Variants in TBX15 observed in about 807,000 individuals in gnomAD.
TBX15 encodes T-box transcription factor 15, also known as T-box transcription factor TBX15.
Under a neutral mutation model 53.9 loss-of-function variants are expected in TBX15, and 18 were observed. The ratio of observed to expected loss-of-function variants is 0.33; its 90% CI spans 0.23 to 0.49. The LOEUF (loss-of-function observed/expected upper bound fraction) is 0.49, where lower values mean the gene tolerates loss of function less well. Ranked by LOEUF, TBX15 falls within the 20% of genes least tolerant of loss-of-function variation. The pLI is 0.98. For missense variants in TBX15, 692 were observed against 749.5 expected (o/e 0.92, Z 0.90); for synonymous variants, 295 against 278.0 (o/e 1.06, Z -0.61).
At chr1:118,958,298 T>G (rs977458347) in intron 1 of TBX15, among the ~76,000 whole-genome samples, 11 of 152,208 alleles carry the variant, frequency 7.2e-5, no homozygotes, top group African/African-American at 2.4e-4. Flanking sequence ...GGAAGAGAGC[T>G]CTCACCAGAG....
intron 1 of TBX15, among the ~76,000 whole-genome samples, chr1:118,977,076 A>G (rs1657458646): frequency 6.6e-6 from 1 of 152,208 alleles, no homozygotes; most frequent in Non-Finnish European, 1.5e-5. Flanking sequence ...ATAGATGCAG[A>G]AACTAGGGTT....
Position 118,987,779 on chromosome 1 carries a change from C to T in TBX15, c.17G>A (p.Arg6Lys), listed in dbSNP as rs777359556. The T allele has an allele frequency of 6.5e-7, 1 of 1,549,948 alleles. No individual in the cohort carries two copies. The highest frequency in any genetic ancestry group is 8.7e-7 in the Non-Finnish European group (1 of 1,146,784). Reference sequence around the variant, plus strand: ...TCGCGAGCTCAGGGCGACTGCAGATCTTCTCCTTTCACTCATTTTAGCCGC... The same window carrying T: ...TCGCGAGCTCAGGGCGACTGCAGATTTTCTCCTTTCACTCATTTTAGCCGC... Reference protein sequence around the residue: MSERRRSAVALSSRAH... With the variant: MSERRKSAVALSSRAH... The change falls in exon 1 of 8, where the codon AGA becomes AAA. Residue 6 changes from arginine (R) to lysine (K), a missense_variant. This residue lies in a region of TBX15 where 307 missense variants were observed against 347.5 expected (regional missense o/e 0.88). Transcript: ENST00000369429.
At chr1:118,892,391 T>TTCAG (rs1400693473) in intron 7 of TBX15, among the ~76,000 whole-genome samples, 1 of 152,092 alleles carries the variant, frequency 6.6e-6, no homozygotes, top group Non-Finnish European at 1.5e-5. Context: ...TTTCTAAAAG[T>TTCAG]TCAGTAGAAA....
In TBX15 at chr1:118,917,518, A is replaced by G. The variant is rs138552209; in HGVS notation, c.862-3339T>C. Among the ~76,000 whole-genome samples, 372 of 152,266 alleles carry G rather than the reference A, an allele frequency of 2.4e-3. 2 individuals are homozygous for G. The highest frequency in any genetic ancestry group is 8.7e-3 in the African/African-American group (362 of 41,566). ...GGTGCAGCACACTACCATGGCACAC[A>G]TTTACCTATGAAACAAACCTGCACA... is the stretch of plus-strand genomic sequence containing the variant. On this transcript the variant is annotated intron_variant, in intron 5 of 7. Coordinates refer to ENST00000369429, the MANE Select transcript of TBX15 (RefSeq NM_001330677.2).
chr1:118,962,264 A>G (rs1656902460), intron 1 of TBX15, among the ~76,000 whole-genome samples: 1 of 152,224 alleles, frequency 6.6e-6, no homozygotes, highest in Non-Finnish European at 1.5e-5. Flanking sequence ...TCAGATAAAT[A>G]AAAAATTGAC....
chr1:118,928,838 C>T (rs911081333), intron 2 of TBX15, among the ~76,000 whole-genome samples: 1 of 152,170 alleles, frequency 6.6e-6, no homozygotes, highest in Non-Finnish European at 1.5e-5. Context: ...AATAAATGAA[C>T]TATGTGACTT....
rs774337008 is a variant in TBX15 at position 118,885,030 on chromosome 1, C to G, written c.1511G>C (p.Ser504Thr). The G allele has an allele frequency of 3.7e-6, 6 of 1,614,108 alleles. No individual in the cohort carries two copies. The highest frequency in any genetic ancestry group is 3.3e-5 in the South Asian group (3 of 91,084). The change falls in exon 8 of 8, where the codon AGC (serine) becomes ACC (threonine). Residue 504 changes from serine (S) to threonine (T), a missense_variant. Coordinates refer to ENST00000369429, the MANE Select transcript of TBX15 (RefSeq NM_001330677.2). ...HMFGGSHMQQSSYNAFSLHNP... is the reference protein window; with the variant it reads ...HMFGGSHMQQTSYNAFSLHNP... ...GTGAAGGGAGAAGGCATTGTAGGAG[C>G]TCTGCTGCATGTGGCTGCCCCCGAA...
intron 1 of TBX15, among the ~76,000 whole-genome samples, chr1:118,955,821 C>T (rs949949867): frequency 6.6e-6 from 1 of 152,152 alleles, no homozygotes; most frequent in African/African-American, 2.4e-5. Context: ...CCTATGTGTG[C>T]CTCATGGAGA....
At chr1:118,962,004 T>C (rs920786599) in intron 1 of TBX15, among the ~76,000 whole-genome samples, 1 of 152,250 alleles carries the variant, frequency 6.6e-6, no homozygotes, top group East Asian at 1.9e-4. Flanking sequence ...AGTCAACTTC[T>C]ACTTTTCCAG....
chr1:118,956,718 C>T (rs1010460988), intron 1 of TBX15, among the ~76,000 whole-genome samples: 4 of 151,802 alleles, frequency 2.6e-5, no homozygotes, highest in South Asian at 4.1e-4. Flanking sequence ...TTTGGGAGGC[C>T]GAAGTGGGAA....
intron 1 of TBX15, among the ~76,000 whole-genome samples, chr1:118,974,705 C>T (rs1479264442): frequency 6.6e-6 from 1 of 152,146 alleles, no homozygotes; most frequent in African/African-American, 2.4e-5. Flanking sequence ...TAACTGCTAC[C>T]ATACCAAACA....
chr1:118,979,587 T>C (rs988790067), intron 1 of TBX15, among the ~76,000 whole-genome samples: 2 of 152,146 alleles, frequency 1.3e-5, no homozygotes, highest in African/African-American at 4.8e-5. Context: ...GACCCTTGGG[T>C]TCCATTTGCA....
At chr1:118,920,172 A>G (rs1655377022) in intron 5 of TBX15, among the ~76,000 whole-genome samples, 1 of 152,156 alleles carries the variant, frequency 6.6e-6, no homozygotes, top group Non-Finnish European at 1.5e-5. Context: ...TTTATTTGTA[A>G]AAGGTACAAC....
At chr1:118,905,015 A>G (rs1440336585) in intron 6 of TBX15, among the ~76,000 whole-genome samples, 1 of 152,228 alleles carries the variant, frequency 6.6e-6, no homozygotes, top group African/African-American at 2.4e-5. Flanking sequence ...GACAAAATGT[A>G]TCAAAAAAAG....
At position 118,973,482 on chromosome 1, in the gene TBX15, G is replaced by A. The variant is rs547734784; in HGVS notation, c.205+14109C>T. ...AAAGCCCTCAGAATTCAGAAAAGGC[G>A]CTGAATAAAAACCTCTCAAAAGTCT... On this transcript the variant is annotated intron_variant, in intron 1 of 7. Transcript: ENST00000369429. Among the ~76,000 whole-genome samples, 9 of 151,054 alleles carry A rather than the reference G, an allele frequency of 6.0e-5. No homozygotes were observed. The South Asian group carries it at 8.4e-4, about 14-fold the overall frequency.
intron 7 of TBX15, chr1:118,890,908 G>T (rs1225913688): frequency 7.7e-7 from 1 of 1,304,016 alleles, no homozygotes; most frequent in Non-Finnish European, 1.0e-6. Context: ...TAATTCAATG[G>T]CATCTGTCTC....
intron 5 of TBX15, among the ~76,000 whole-genome samples, chr1:118,916,195 C>G (rs1458166812): frequency 6.6e-6 from 1 of 152,076 alleles, no homozygotes; most frequent in Non-Finnish European, 1.5e-5. Flanking sequence ...AGCAGATGTG[C>G]ACTAACAATT....
chr1:118,903,331 A>C (rs1467325186), intron 6 of TBX15, among the ~76,000 whole-genome samples: 1 of 152,198 alleles, frequency 6.6e-6, no homozygotes, highest in Non-Finnish European at 1.5e-5. Context: ...TAGTCAGACT[A>C]CAGAAAAAAA....
intron 3 of TBX15, 57 bp from the exon 4 acceptor site, chr1:118,924,874 G>T: frequency 6.3e-7 from 1 of 1,598,692 alleles, no homozygotes. Context: ...AGGGACAGAG[G>T]CCCAGGAAAC....
Sources: allele counts gnomAD v4.1 joint callset (sites outside exome capture counted in the v4.1 genomes callset), GRCh38; gene constraint gnomAD v4.1.1; regional missense constraint gnomAD v4.1.1; transcripts MANE v1.5; gene names NCBI Gene and HGNC (gene_info 2026-07-23, HGNC 2026-07-21).